Variants in MCCC2 observed in about 807,000 individuals in gnomAD.
MCCC2 encodes the protein methylcrotonoyl-CoA carboxylase beta chain, mitochondrial.
In MCCC2, 52 loss-of-function variants were observed where a neutral mutation model predicts 77.2. The ratio of observed to expected loss-of-function variants is 0.67; its 90% CI spans 0.54 to 0.85. MCCC2 has a LOEUF of 0.85. Among genes scored for constraint, MCCC2 ranks in the 40% least tolerant of loss-of-function variants. The pLI is 0.00. For synonymous variants in MCCC2, 253 were observed against 248.4 expected (o/e 1.02, Z -0.18); for missense variants, 682 against 703.2 (o/e 0.97, Z 0.34).
chr5:71,617,042 CA>C (rs35283970), intron 6 of MCCC2, among the ~76,000 whole-genome samples: 48,328 of 151,998 alleles, frequency 0.32, 8,475 homozygotes, highest in East Asian at 0.51. Flanking sequence ...CTATTTGCTA[CA>C]AAACAAAGCT....
chr5:71,617,945 C>CTAGG (rs1746221714), intron 6 of MCCC2, among the ~76,000 whole-genome samples: 2 of 152,296 alleles, frequency 1.3e-5, no homozygotes, highest in South Asian at 4.1e-4. Context: ...GATAGTTAAA[C>CTAGG]TAGGTACTTA....
At chr5:71,626,846 G>T (rs1331789401) in intron 7 of MCCC2, 93 bp downstream of exon 7, 1 of 1,198,338 alleles carries the variant, frequency 8.3e-7, no homozygotes, top group African/African-American at 1.5e-5. Context: ...AAAAAATATT[G>T]TGATAAAATA....
intron 12 of MCCC2, 73 bp from the exon 13 acceptor site, chr5:71,646,138 G>A: frequency 1.6e-6 from 2 of 1,270,830 alleles, no homozygotes; most frequent in Non-Finnish European, 2.3e-6. Context: ...CTGAAGTTGT[G>A]GTGTTTGTAG....
rs191289322 is a variant in MCCC2 at position 71,648,012 on chromosome 5, A to G, written c.1217-1085A>G. 4.5e-4 allele frequency among the ~76,000 whole-genome samples: 68 copies of G among 152,262 alleles called. 1 individual carries two copies. The highest frequency in any genetic ancestry group is 1.6e-3 in the African/African-American group (65 of 41,542). On this transcript the variant is annotated intron_variant, in intron 13 of 16. Coordinates refer to ENST00000340941, the MANE Select transcript of MCCC2 (RefSeq NM_022132.5). ...AAGTAGGTATGGTGGGAATGTTACA[A>G]TGGAGTCAAGGCTGGGGAGATTGAG...
chr5:71,618,894 G>T (rs968900129), intron 6 of MCCC2, among the ~76,000 whole-genome samples: 2 of 152,172 alleles, frequency 1.3e-5, no homozygotes, highest in Non-Finnish European at 2.9e-5. Context: ...GTTTGCTGTA[G>T]ATTGATCTTT....
rs1554136065 is a variant in MCCC2 at position 71,618,507 on chromosome 5, T to TCCTTCCTG, written c.625-8126_625-8125insGCCTTCCT. On this transcript the variant is annotated intron_variant, in intron 6 of 16. Transcript: ENST00000340941. ...TTTCCTTCTTCCTTCCTTCCTTCCTTCCTTCCTTCCTTCCTTCCTTCCTTC... is the reference window on the plus strand; with the variant it reads ...TTTCCTTCTTCCTTCCTTCCTTCCTTCCTTCCTGCCTTCCTTCCTTCCTTCCTTCCTTC... Among the ~76,000 whole-genome samples the TCCTTCCTG allele has an allele frequency of 1.1e-3, 69 of 60,220 alleles. 1 individual carries two copies. Among genetic ancestry groups the TCCTTCCTG allele is most frequent in the African/African-American group, 3.7e-3 (68 of 18,622 alleles). 39.5% of individuals were successfully genotyped at this position (60,220 alleles called of 152,430 possible).
At chr5:71,604,332 A>G (rs1194679234) in intron 5 of MCCC2, 24 bp from the exon 6 acceptor site, 3 of 1,587,456 alleles carry the variant, frequency 1.9e-6, no homozygotes, top group Non-Finnish European at 1.7e-6. Context: ...AGAGATGCTT[A>G]TGTTTCTCAT....
Position 71,587,350 on chromosome 5 carries a change from C to T in MCCC2, c.-76C>T. ...CAAGGACCTGAGCTCAGCTTCCGCC[C>T]CAGCCAGGGAAGCGGCAGGGGAAAG... On this transcript the variant is annotated 5_prime_UTR_variant, in exon 1 of 17. Coordinates refer to ENST00000340941, the MANE Select transcript of MCCC2 (RefSeq NM_022132.5). 2 of 1,512,020 alleles carry T rather than the reference C, an allele frequency of 1.3e-6. No individual in the cohort carries two copies. Among genetic ancestry groups the T allele is most frequent in the South Asian group, 2.5e-5 (2 of 80,216 alleles). 93.7% of individuals were successfully genotyped at this position (1,512,020 alleles called of 1,614,324 possible).
intron 7 of MCCC2, among the ~76,000 whole-genome samples, chr5:71,629,314 C>G (rs563460402): frequency 6.6e-6 from 1 of 152,044 alleles, no homozygotes; most frequent in South Asian, 2.1e-4. Flanking sequence ...TAGTTGTTGC[C>G]AGGGACTAGG....
Position 71,609,025 on chromosome 5 carries a change from T to C in MCCC2, c.624+4557T>C, listed in dbSNP as rs571559737. 9.6e-4 allele frequency among the ~76,000 whole-genome samples: 146 copies of C among 152,146 alleles called. 2 individuals carry two copies. Among genetic ancestry groups the C allele is most frequent in the African/African-American group, 2.9e-3 (122 of 41,508 alleles). ...ATTTTTTCCTTCATTTCAACTTTGG[T>C]GAATCTGACAATTATGTGTCTTGGA... On this transcript the variant is annotated intron_variant, in intron 6 of 16. Coordinates refer to ENST00000340941, the MANE Select transcript of MCCC2 (RefSeq NM_022132.5).
Position 71,634,355 on chromosome 5 carries a change from C to T in MCCC2, c.804-588C>T, listed in dbSNP as rs549712282. ...CGTTTTACTAGTTCCGATTTTTACCCATAATCCAAGGGCCAATGTATTCAA... is the reference window on the plus strand; with the variant it reads ...CGTTTTACTAGTTCCGATTTTTACCTATAATCCAAGGGCCAATGTATTCAA... On this transcript the variant is annotated intron_variant, in intron 8 of 16. Transcript: ENST00000340941. Among the ~76,000 whole-genome samples, 145 of 152,310 alleles carry T rather than the reference C, an allele frequency of 9.5e-4. 2 individuals carry two copies. The highest frequency in any genetic ancestry group is 2.9e-3 in the African/African-American group (120 of 41,554).
rs774924853 is a variant in MCCC2, at chr5:71,640,986, G to C, written c.1000-17G>C. 6.2e-7 allele frequency: 1 copy of C among 1,611,054 alleles called. No homozygotes were observed. Among genetic ancestry groups the C allele is most frequent in the Admixed American group, 1.7e-5 (1 of 60,016 alleles). Reference sequence around the variant, plus strand: ...TGCAATATAATTTCTCAAGGCCATTGTTGTTTTTCCTCTTAGGTCATTGCT... The same window carrying C: ...TGCAATATAATTTCTCAAGGCCATTCTTGTTTTTCCTCTTAGGTCATTGCT... On this transcript the variant is annotated splice_polypyrimidine_tract_variant and intron_variant, in intron 10 of 16. Coordinates refer to ENST00000340941, the MANE Select transcript of MCCC2 (RefSeq NM_022132.5).
intron 10 of MCCC2, among the ~76,000 whole-genome samples, chr5:71,639,513 T>A (rs1189979012): frequency 1.3e-5 from 2 of 152,306 alleles, no homozygotes; most frequent in East Asian, 3.9e-4. Flanking sequence ...TGCTCTGGAT[T>A]AAAGGGAATG....
At chr5:71,602,095 C>G (rs1230010689) in intron 4 of MCCC2, among the ~76,000 whole-genome samples, 1 of 152,034 alleles carries the variant, frequency 6.6e-6, no homozygotes, top group Non-Finnish European at 1.5e-5. Context: ...GCAAAATACC[C>G]TCCTAAAAGG....
At chr5:71,650,260 C>A in intron 15 of MCCC2, 77 bp downstream of exon 15, 1 of 1,247,002 alleles carries the variant, frequency 8.0e-7, no homozygotes, top group Non-Finnish European at 1.2e-6. Context: ...AGCAGCGTGC[C>A]TGGAAGCCCT....
intron 10 of MCCC2, chr5:71,635,471 GTTTTCATTGCGC>G: frequency 1.7e-6 from 1 of 594,420 alleles, no homozygotes; most frequent in Admixed American, 2.3e-5. Flanking sequence ...TGATTGGAAA[GTTTTCATTGCGC>G]AAAAAGTGTG....
Position 71,652,162 on chromosome 5 carries a change from G to A in MCCC2, c.1489-507G>A, listed in dbSNP as rs562908531. ...TTGATCCTTGTAATACTGATGGGAA[G>A]GCTGTGAAATTCTTAATTAGGGGAA... is the stretch of plus-strand genomic sequence containing the variant. On this transcript the variant is annotated intron_variant, in intron 15 of 16. Coordinates refer to ENST00000340941, the MANE Select transcript of MCCC2 (RefSeq NM_022132.5). Among the ~76,000 whole-genome samples the A allele has an allele frequency of 6.1e-4, 93 of 152,252 alleles. 2 individuals carry two copies. The highest frequency in any genetic ancestry group is 2.1e-3 in the African/African-American group (89 of 41,542).
At chr5:71,606,985 T>G (rs1313533675) in intron 6 of MCCC2, among the ~76,000 whole-genome samples, 1 of 151,034 alleles carries the variant, frequency 6.6e-6, no homozygotes, top group Non-Finnish European at 1.5e-5. Flanking sequence ...TGCCAGTATT[T>G]TATTGAGGAT....
chr5:71,643,672 C>T (rs1747192527), intron 11 of MCCC2, 147 bp from the exon 12 acceptor site: 1 of 1,497,160 alleles, frequency 6.7e-7, no homozygotes, highest in African/African-American at 1.4e-5. Context: ...AAGATTGTGA[C>T]ATGAGCTGTT....
Sources: allele counts gnomAD v4.1 joint callset (sites outside exome capture counted in the v4.1 genomes callset), GRCh38; gene constraint gnomAD v4.1.1; transcripts MANE v1.5; gene names NCBI Gene and HGNC (gene_info 2026-07-23, HGNC 2026-07-21).